The following CDH13 variants were observed in gnomAD, a reference collection of about 807,000 sequenced individuals.
CDH13 encodes the protein cadherin 13, also known as cadherin-13.
Under a neutral mutation model 63.8 loss-of-function variants are expected in CDH13, and 24 were observed. The ratio of observed to expected loss-of-function variants is 0.38; its 90% CI spans 0.27 to 0.53. The LOEUF is 0.53. Among genes scored for constraint, CDH13 ranks in the 20% least tolerant of loss-of-function variants. The pLI is 0.85. For missense variants in CDH13, 1,049 were observed against 903.1 expected (o/e 1.16, Z -2.07); for synonymous variants, 503 against 355.3 (o/e 1.42, Z -4.67).
chr16:83,323,180 T>TTC (rs1491077492), intron 5 of CDH13, among the ~76,000 whole-genome samples: 1 of 60,920 alleles, frequency 1.6e-5, no homozygotes, highest in Admixed American at 1.4e-4. Flanking sequence ...TCTTTTTTCT[T>TTC]TCTTTCTTTC....
At chr16:83,277,093 A>G (rs1351075490) in intron 5 of CDH13, among the ~76,000 whole-genome samples, 5 of 152,158 alleles carry the variant, frequency 3.3e-5, no homozygotes. Context: ...ACACAGCCAA[A>G]TCATATCACA....
chr16:83,263,880 ATT>A (rs148694387), intron 5 of CDH13, among the ~76,000 whole-genome samples: 102 of 151,502 alleles, frequency 6.7e-4, no homozygotes, highest in Admixed American at 2.4e-3. Flanking sequence ...CTGAGGCTGA[ATT>A]TTTTAAAAAA....
At chr16:82,946,720 C>CAAAAAAAAAA (rs55633638) in intron 2 of CDH13, among the ~76,000 whole-genome samples, 2 of 148,880 alleles carry the variant, frequency 1.3e-5, no homozygotes, top group South Asian at 2.1e-4. Flanking sequence ...AACTCTGTCT[C>CAAAAAAAAAA]AAAAAAAAGA....
At chr16:83,112,037 G>C (rs1444958169) in intron 3 of CDH13, among the ~76,000 whole-genome samples, 1 of 152,122 alleles carries the variant, frequency 6.6e-6, no homozygotes, top group Non-Finnish European at 1.5e-5. Context: ...GGAGAAAAAA[G>C]TTTCCAGAGT....
rs116322207 is a variant in CDH13 at position 83,285,227 on chromosome 16, C to T, written c.637-59635C>T. On this transcript the variant is annotated intron_variant, in intron 5 of 13. Coordinates refer to ENST00000567109, the MANE Select transcript of CDH13 (RefSeq NM_001257.5). Reference sequence around the variant, plus strand: ...TACCCAGAAGGAAGAAAACGTCTCACCTAGAAAAAAGTCATTATGTAGTTT... The same window carrying T: ...TACCCAGAAGGAAGAAAACGTCTCATCTAGAAAAAAGTCATTATGTAGTTT... Among the ~76,000 whole-genome samples, 949 of 152,240 alleles carry T rather than the reference C, an allele frequency of 6.2e-3. 6 individuals are homozygous for T. The highest frequency in any genetic ancestry group is 0.018 in the African/African-American group (758 of 41,534).
At chr16:82,858,682 A>G (rs2039805848) in intron 2 of CDH13, 3 of 612,454 alleles carry the variant, frequency 4.9e-6, no homozygotes, top group African/African-American at 3.7e-5. Flanking sequence ...TCTTTTTAGT[A>G]TTTTATCATC....
chr16:83,108,896 C>T (rs1000334540), intron 3 of CDH13, among the ~76,000 whole-genome samples: 3 of 152,130 alleles, frequency 2.0e-5, no homozygotes, highest in South Asian at 4.1e-4. Context: ...ACAGGTTCTG[C>T]CCTGCCTCCT....
chr16:83,526,509 C>T (rs889806688), intron 7 of CDH13, among the ~76,000 whole-genome samples: 2 of 152,148 alleles, frequency 1.3e-5, no homozygotes, highest in African/African-American at 4.8e-5. Flanking sequence ...GTTTTGCACT[C>T]CTATCAGGAT....
intron 1 of CDH13, among the ~76,000 whole-genome samples, chr16:82,700,116 C>A (rs1487577808): frequency 6.6e-6 from 1 of 152,174 alleles, no homozygotes; most frequent in Non-Finnish European, 1.5e-5. Context: ...AGGGTTATAG[C>A]ATCAAAGACA....
chr16:83,212,708 G>A (rs540939186), intron 4 of CDH13, among the ~76,000 whole-genome samples: 2 of 152,328 alleles, frequency 1.3e-5, no homozygotes, highest in South Asian at 2.1e-4. Flanking sequence ...GCTGCCCAAA[G>A]CAGTGGTCTT....
chr16:83,085,150 A>T (rs937050148), intron 3 of CDH13, among the ~76,000 whole-genome samples: 5 of 151,814 alleles, frequency 3.3e-5, no homozygotes, highest in Non-Finnish European at 7.4e-5. Flanking sequence ...ACAGTTCCAC[A>T]TGGCTGGGGA....
At chr16:82,901,772 C>A (rs2041479045) in intron 2 of CDH13, among the ~76,000 whole-genome samples, 2 of 152,160 alleles carry the variant, frequency 1.3e-5, no homozygotes, top group Admixed American at 1.3e-4. Flanking sequence ...GTGCCAATTG[C>A]CTGCATGTAA....
intron 5 of CDH13, among the ~76,000 whole-genome samples, chr16:83,308,632 C>T (rs2089932623): frequency 6.6e-6 from 1 of 152,150 alleles, no homozygotes. Flanking sequence ...TGGCACAGAT[C>T]CATGGAAAGA....
intron 10 of CDH13, among the ~76,000 whole-genome samples, chr16:83,684,637 T>G (rs1904286208): frequency 6.6e-6 from 1 of 152,330 alleles, no homozygotes. Context: ...CCAGGATCTA[T>G]AGTAAACAAT....
intron 1 of CDH13, among the ~76,000 whole-genome samples, chr16:82,759,465 C>T (rs932660439): frequency 1.3e-5 from 2 of 151,754 alleles, no homozygotes; most frequent in African/African-American, 4.8e-5. Context: ...CTGAATGTTT[C>T]TGTAAGGCAA....
At chr16:82,769,804 G>C (rs1251051709) in intron 1 of CDH13, among the ~76,000 whole-genome samples, 1 of 152,184 alleles carries the variant, frequency 6.6e-6, no homozygotes, top group East Asian at 1.9e-4. Flanking sequence ...ACATTTACCG[G>C]AATGCATTGC....
chr16:82,913,073 A>G (rs953708880), intron 2 of CDH13, among the ~76,000 whole-genome samples: 1 of 152,070 alleles, frequency 6.6e-6, no homozygotes, highest in Admixed American at 6.5e-5. Context: ...GAATCTCATT[A>G]TTTGCATTAA....
chr16:83,415,515 A>G (rs572998996), intron 6 of CDH13, among the ~76,000 whole-genome samples: 1 of 152,332 alleles, frequency 6.6e-6, no homozygotes, highest in African/African-American at 2.4e-5. Flanking sequence ...AAAGTCCTTA[A>G]CAAAATACTA....
intron 4 of CDH13, among the ~76,000 whole-genome samples, chr16:83,211,163 A>T (rs1259621106): frequency 6.6e-6 from 1 of 151,408 alleles, no homozygotes; most frequent in Non-Finnish European, 1.5e-5. Context: ...AAAAAAAAAA[A>T]GGTACTAGAA....
Sources: allele counts gnomAD v4.1 joint callset (sites outside exome capture counted in the v4.1 genomes callset), GRCh38; gene constraint gnomAD v4.1.1; transcripts MANE v1.5; gene names NCBI Gene and HGNC (gene_info 2026-07-23, HGNC 2026-07-21).